Variants in DLGAP2 observed in about 807,000 individuals in gnomAD.
DLGAP2 encodes DLG associated protein 2.
Under a neutral mutation model 100.3 loss-of-function variants are expected in DLGAP2, and 26 were observed. The observed-to-expected ratio is 0.26, with a 90% CI of 0.19 to 0.36. The LOEUF is 0.36. Ranked by LOEUF, DLGAP2 falls within the 10% of genes least tolerant of loss-of-function variation. The probability of loss-of-function intolerance (pLI) is 1.00; values close to 1 mark genes in which losing one functional copy is unlikely to be tolerated. For missense variants in DLGAP2, 1,858 were observed against 1,453.2 expected, an observed-to-expected ratio of 1.28 and a Z score of -4.53; for synonymous variants, 886 against 630.1, an observed-to-expected ratio of 1.41 and a Z score of -6.08.
At position 1,320,198 on chromosome 8, in the gene DLGAP2, G is replaced by T. The variant is rs7005483; in HGVS notation, c.106+61315G>T. On this transcript the variant is annotated intron_variant, in intron 3 of 14. Coordinates refer to ENST00000637795, the MANE Select transcript of DLGAP2 (RefSeq NM_001346810.2). ...CCTTAGTCATGGTGGCACTGTTTCC[G>T]GAAATGGGGAAGGGTAAGGATGAAA... Among the ~76,000 whole-genome samples the T allele has an allele frequency of 7.4e-3, 1,129 of 152,126 alleles. 21 individuals are homozygous for T. Among genetic ancestry groups the T allele is most frequent in the African/African-American group, 0.026 (1,074 of 41,488 alleles).
Position 1,618,690 on chromosome 8 carries a change from A to G in DLGAP2, c.1443-8050A>G, listed in dbSNP as rs190817622. Among the ~76,000 whole-genome samples, 116 of 152,346 alleles carry G rather than the reference A, an allele frequency of 7.6e-4. No homozygotes were observed. In the Middle Eastern group the frequency reaches 0.014, roughly 18 times the overall value. ...GGGACAGTGTGATATTCATATAAGA[A>G]TAGAAAAGGGTCTCTCAGCCTCAGC... On this transcript the variant is annotated intron_variant, in intron 6 of 14. Coordinates refer to ENST00000637795, the MANE Select transcript of DLGAP2 (RefSeq NM_001346810.2).
intron 2 of DLGAP2, among the ~76,000 whole-genome samples, chr8:1,063,396 C>A (rs561126139): frequency 6.6e-6 from 1 of 152,288 alleles, no homozygotes; most frequent in Admixed American, 6.5e-5. Context: ...TTGTACCGTC[C>A]ACAAAGGGCC....
At chr8:1,353,531 A>T (rs1262415138) in intron 3 of DLGAP2, among the ~76,000 whole-genome samples, 1 of 152,194 alleles carries the variant, frequency 6.6e-6, no homozygotes, top group African/African-American at 2.4e-5. Flanking sequence ...AGGCTAAGCT[A>T]TAATGTTTGG....
rs1235593701 is a variant in DLGAP2 at position 862,376 on chromosome 8, C to T, written c.19-45536C>T. Among the ~76,000 whole-genome samples, 3 of 151,342 alleles carry T rather than the reference C, an allele frequency of 2.0e-5. No homozygotes were observed. In the East Asian group the frequency reaches 5.9e-4, roughly 30 times the overall value. ...GGAGTGCAGTGGCATAATCTCAGCT[C>T]ACTGCGGCCTCCGCCTTCCGGGTTC... On this transcript the variant is annotated intron_variant, in intron 1 of 14. Transcript: ENST00000637795.
intron 2 of DLGAP2, among the ~76,000 whole-genome samples, chr8:1,033,909 C>T (rs77751654): frequency 1.6e-5 from 1 of 64,104 alleles, no homozygotes; most frequent in Non-Finnish European, 3.2e-5. Context: ...TGGACTCACA[C>T]CCTCATCCCG....
chr8:1,047,341 A>T (rs1173669327), intron 2 of DLGAP2, among the ~76,000 whole-genome samples: 1 of 152,256 alleles, frequency 6.6e-6, no homozygotes, highest in Non-Finnish European at 1.5e-5. Context: ...GTTTTGGGAA[A>T]CGAAGTCTTT....
At chr8:1,442,852 T>C (rs10108209) in intron 3 of DLGAP2, among the ~76,000 whole-genome samples, 84,956 of 150,382 alleles carry the variant, frequency 0.56, 24,554 homozygotes, top group East Asian at 0.9. Flanking sequence ...GCTGTGGGTT[T>C]AGCCACTGGG....
At chr8:1,322,027 T>C (rs1260715805) in intron 3 of DLGAP2, among the ~76,000 whole-genome samples, 1 of 152,118 alleles carries the variant, frequency 6.6e-6, no homozygotes, top group Non-Finnish European at 1.5e-5. Context: ...TCTTTTGTAA[T>C]CTCCAATGGG....
chr8:768,783 G>C (rs1821280764), intron 1 of DLGAP2, among the ~76,000 whole-genome samples: 1 of 152,008 alleles, frequency 6.6e-6, no homozygotes, highest in Non-Finnish European at 1.5e-5. Context: ...ACTTAAAAAT[G>C]GTGCGCTTCC....
chr8:1,339,877 C>G (rs923731914), intron 3 of DLGAP2, among the ~76,000 whole-genome samples: 5 of 152,176 alleles, frequency 3.3e-5, no homozygotes, highest in Non-Finnish European at 7.4e-5. Context: ...TTTTTTATCT[C>G]TGGGATCCTG....
chr8:1,692,557 G>GTCTT (rs973047894), intron 13 of DLGAP2, among the ~76,000 whole-genome samples: 9 of 152,160 alleles, frequency 5.9e-5, no homozygotes, highest in African/African-American at 2.2e-4. Context: ...GTGACACTGT[G>GTCTT]TCTTTGCAAC....
chr8:1,049,758 C>G (rs563002478), intron 2 of DLGAP2, among the ~76,000 whole-genome samples: 1 of 152,042 alleles, frequency 6.6e-6, no homozygotes, highest in African/African-American at 2.4e-5. Context: ...GACACACAGA[C>G]GGTGCATAGA....
intron 3 of DLGAP2, among the ~76,000 whole-genome samples, chr8:1,435,699 G>C (rs1395051171): frequency 6.6e-6 from 1 of 151,698 alleles, no homozygotes. Context: ...GAGGTGTCCG[G>C]AAGAAGGCAC....
chr8:1,118,151 G>A (rs1267580727), intron 2 of DLGAP2, among the ~76,000 whole-genome samples: 1 of 152,182 alleles, frequency 6.6e-6, no homozygotes, highest in African/African-American at 2.4e-5. Context: ...CCGCAGTTCA[G>A]AAAGTGCTTT....
At chr8:1,342,144 A>G (rs1801432787) in intron 3 of DLGAP2, among the ~76,000 whole-genome samples, 2 of 151,904 alleles carry the variant, frequency 1.3e-5, no homozygotes, top group East Asian at 2.0e-4. Context: ...GGGTTTTACC[A>G]TGTTGCTTCC....
chr8:1,235,959 C>T (rs1194022027), intron 2 of DLGAP2, among the ~76,000 whole-genome samples: 1 of 2,424 alleles, frequency 4.1e-4, no homozygotes, highest in African/African-American at 7.7e-4. Flanking sequence ...TGTCTAGTTA[C>T]GTCTTACATG....
At chr8:798,296 GC>G (rs1243820534) in intron 1 of DLGAP2, among the ~76,000 whole-genome samples, 1 of 144,346 alleles carries the variant, frequency 6.9e-6, no homozygotes, top group Admixed American at 6.9e-5. Flanking sequence ...CCCGGCGCTG[GC>G]CAGGTGAGGG....
At position 1,276,363 on chromosome 8, in the gene DLGAP2, G is replaced by C. The variant is rs998860736; in HGVS notation, c.106+17480G>C. Among the ~76,000 whole-genome samples the C allele has an allele frequency of 7.2e-5, 11 of 152,096 alleles. No homozygotes were observed. The South Asian group carries it at 2.3e-3, about 32-fold the overall frequency. Reference sequence around the variant, plus strand: ...GAATTCACTTGGAATGTAGATTCGCGTCGGGCACTATCAGATGGAACCGTT... The same window carrying C: ...GAATTCACTTGGAATGTAGATTCGCCTCGGGCACTATCAGATGGAACCGTT... On this transcript the variant is annotated intron_variant, in intron 3 of 14. Coordinates refer to ENST00000637795, the MANE Select transcript of DLGAP2 (RefSeq NM_001346810.2).
At chr8:1,222,523 C>T (rs897464649) in intron 2 of DLGAP2, among the ~76,000 whole-genome samples, 1 of 152,040 alleles carries the variant, frequency 6.6e-6, no homozygotes, top group East Asian at 1.9e-4. Flanking sequence ...CCAAAGTGCT[C>T]TTGCAGAGTG....
Sources: gnomAD v4.1 joint callset for allele counts (sites outside exome capture counted in the v4.1 genomes callset) on GRCh38, gnomAD v4.1.1 for gene constraint, MANE v1.5 for transcripts, NCBI Gene and HGNC (gene_info 2026-07-23, HGNC 2026-07-21) for gene names.